Variants in PLD1 observed in about 807,000 individuals in gnomAD.
PLD1 encodes the protein choline phosphatase 1.
PLD1 carries 112 observed loss-of-function variants against 137.1 expected under a neutral mutation model. The observed-to-expected ratio is 0.82, with a 90% CI of 0.70 to 0.96. The LOEUF (loss-of-function observed/expected upper bound fraction) is 0.96, where lower values mean the gene tolerates loss of function less well. Ranked by LOEUF, PLD1 falls within the 40% of genes least tolerant of loss-of-function variation. The probability of loss-of-function intolerance (pLI) is 0.00; values close to 1 mark genes in which losing one functional copy is unlikely to be tolerated. For missense variants in PLD1, 1,321 were observed against 1,342.0 expected, an observed-to-expected ratio of 0.98 and a Z score of 0.24; for synonymous variants, 431 against 454.7, an observed-to-expected ratio of 0.95 and a Z score of 0.66.
Position 171,713,939 on chromosome 3 carries a change from T to C in PLD1, c.865A>G (p.Lys289Glu). 6.2e-7 allele frequency: 1 copy of C among 1,613,224 alleles called. No homozygotes were observed. Among genetic ancestry groups the C allele is most frequent in the South Asian group, 1.1e-5 (1 of 91,054 alleles). ...ATTCCATATTTCGTTTCTGTCTCCT[T>C]CTTCCCCACCTTAATTTTGAATTCT... Reference protein sequence around the residue: ...DKEFKIKVGKKETETKYGIRI... With the variant: ...DKEFKIKVGKEETETKYGIRI... Residue 289 changes from lysine (K) to glutamate (E), a missense_variant, in exon 9 of 27, where the codon AAG (lysine) becomes GAG (glutamate). Lys to Glu is a moderately conservative substitution (Grantham distance 56). Coordinates refer to ENST00000351298, the MANE Select transcript of PLD1 (RefSeq NM_002662.5).
intron 21 of PLD1, among the ~76,000 whole-genome samples, chr3:171,650,419 G>A (rs975861786): frequency 1.3e-5 from 2 of 152,168 alleles, no homozygotes; most frequent in African/African-American, 4.8e-5. Flanking sequence ...GAAGGCTGAC[G>A]TCCCCAAGCT....
intron 1 of PLD1, among the ~76,000 whole-genome samples, chr3:171,759,894 C>T (rs532620368): frequency 6.6e-6 from 1 of 152,336 alleles, no homozygotes; most frequent in South Asian, 2.1e-4. Context: ...ACAGAACAGT[C>T]TTACTGTCCT....
chr3:171,776,649 C>G (rs967676415), intron 1 of PLD1, among the ~76,000 whole-genome samples: 2 of 152,194 alleles, frequency 1.3e-5, no homozygotes, highest in Non-Finnish European at 2.9e-5. Context: ...GCGGTAATGA[C>G]AACGGCACCT....
intron 7 of PLD1, among the ~76,000 whole-genome samples, chr3:171,725,223 C>T (rs1051210576): frequency 6.6e-6 from 1 of 151,966 alleles, no homozygotes; most frequent in African/African-American, 2.4e-5. Context: ...GTTGAGTGTT[C>T]CCTCCTCAAC....
Position 171,735,612 on chromosome 3 carries a change from A to G in PLD1, c.314T>C (p.Ile105Thr). The G allele has an allele frequency of 6.5e-7, 1 of 1,541,552 alleles. No homozygotes were observed. Among genetic ancestry groups the G allele is most frequent in the East Asian group, 2.2e-5 (1 of 44,512 alleles). Reference sequence around the variant, plus strand: ...TTTAAATTCCCCATGTGTTAATTCAATAGTGTAAAGATTAATACTTGGTAC... The same window carrying G: ...TTTAAATTCCCCATGTGTTAATTCAGTAGTGTAAAGATTAATACTTGGTAC... ...TRVPSINLYT[I>T]ELTHGEFKWQ... is the part of the protein sequence containing the mutation. Residue 105 changes from isoleucine (I) to threonine (T), a missense_variant, in exon 4 of 27, where the codon ATT becomes ACT. By Grantham distance (89) the Ile-to-Thr change is moderately conservative. Transcript: ENST00000351298.
rs376694754 is a variant in PLD1 at position 171,639,629 on chromosome 3, C to A, written c.2593+3211G>T. 6.5e-4 allele frequency among the ~76,000 whole-genome samples: 45 copies of A among 69,626 alleles called. 2 individuals are homozygous for A. The highest frequency in any genetic ancestry group is 4.3e-3 in the East Asian group (11 of 2,580). 45.7% of individuals were successfully genotyped at this position (69,626 alleles called of 152,430 possible). A position where few individuals can be genotyped will look rare whatever the true frequency, so the allele number is the denominator to read the frequency against. ...ATATATATTATATATAATATATATT[C>A]TATATAATATATATTATATATAATA... On this transcript the variant is annotated intron_variant, in intron 23 of 26. Transcript: ENST00000351298.
At chr3:171,650,670 C>A (rs193260849) in intron 21 of PLD1, among the ~76,000 whole-genome samples, 1 of 152,114 alleles carries the variant, frequency 6.6e-6, no homozygotes, top group African/African-American at 2.4e-5. Context: ...TGTGGAAATG[C>A]GCTTGAGCTA....
At chr3:171,734,524 T>C (rs1719200002) in intron 5 of PLD1, among the ~76,000 whole-genome samples, 1 of 152,178 alleles carries the variant, frequency 6.6e-6, no homozygotes, top group African/African-American at 2.4e-5. Context: ...CGGAAACTTA[T>C]GTATGGAAAA....
chr3:171,609,274 T>A (rs751138999), intron 25 of PLD1, among the ~76,000 whole-genome samples: 51 of 152,146 alleles, frequency 3.4e-4, no homozygotes, highest in Non-Finnish European at 1.2e-4. Context: ...AGGGAATGCA[T>A]ATACACTGTT....
chr3:171,607,984 G>A (rs185990429), intron 25 of PLD1, among the ~76,000 whole-genome samples: 1 of 152,222 alleles, frequency 6.6e-6, no homozygotes, highest in Non-Finnish European at 1.5e-5. Flanking sequence ...TGTAGTCTAG[G>A]CCACAATATT....
At chr3:171,683,997 CTCTA>C (rs1387761678) in intron 16 of PLD1, among the ~76,000 whole-genome samples, 1 of 152,192 alleles carries the variant, frequency 6.6e-6, no homozygotes, top group Non-Finnish European at 1.5e-5. Flanking sequence ...TGTTCTCTCT[CTCTA>C]TCTCTCTCTC....
At position 171,620,433 on chromosome 3, in the gene PLD1, T is replaced by G. The variant is rs191205035; in HGVS notation, c.2681A>C (p.Tyr894Ser). The change falls in exon 24 of 27, where the codon TAT (tyrosine) becomes TCT (serine). Residue 894 changes from tyrosine (Y) to serine (S), a missense_variant. Transcript: ENST00000351298. Reference protein sequence around the residue: ...LEGNLVTELIYVHSKLLIADD... With the variant: ...LEGNLVTELISVHSKLLIADD... Reference sequence around the variant, plus strand: ...AGCAATTAACAACTTGCTGTGGACATAGATAAGCTCAGTTACTAGGTTTCC... The same window carrying G: ...AGCAATTAACAACTTGCTGTGGACAGAGATAAGCTCAGTTACTAGGTTTCC... 2.8e-4 allele frequency: 447 copies of G among 1,599,944 alleles called. No individual in the cohort carries two copies. The highest frequency in any genetic ancestry group is 1.0e-3 in the Admixed American group (60 of 59,882).
At position 171,743,145 on chromosome 3, in the gene PLD1, CTTGGG is replaced by C. The variant is rs374534254; in HGVS notation, c.-31-5068_-31-5064del. On this transcript the variant is annotated intron_variant, in intron 1 of 26. Transcript: ENST00000351298. ...GAAATGTTCCACTCATGCTTCCTCC[CTTGGG>C]AAGCTGTGAGGAGCAAATGTGATCA... is the stretch of plus-strand genomic sequence containing the variant. 3.3e-5 allele frequency among the ~76,000 whole-genome samples: 5 copies of C among 152,318 alleles called. No individual in the cohort carries two copies. In the South Asian group the frequency reaches 1.0e-3, roughly 32 times the overall value.
At chr3:171,626,018 T>C (rs1374345269) in intron 23 of PLD1, among the ~76,000 whole-genome samples, 4 of 151,722 alleles carry the variant, frequency 2.6e-5, no homozygotes, top group African/African-American at 9.7e-5. Context: ...CTTTGACGAG[T>C]TGAGAGAAGA....
At chr3:171,748,442 C>T (rs561710375) in intron 1 of PLD1, among the ~76,000 whole-genome samples, 44 of 152,252 alleles carry the variant, frequency 2.9e-4, no homozygotes, top group African/African-American at 9.6e-4. Context: ...CTTTCACTTC[C>T]CTTCAAAGCA....
chr3:171,641,112 A>G (rs1010119124), intron 23 of PLD1, among the ~76,000 whole-genome samples: 2 of 152,272 alleles, frequency 1.3e-5, no homozygotes, highest in Non-Finnish European at 2.9e-5. Context: ...GCTCCCTCCA[A>G]TGGCTGCTAG....
In PLD1 at chr3:171,714,012, A is replaced by G. The variant is rs1388339772; in HGVS notation, c.792T>C (p.Tyr264=). ...CAATGGCACCGCTGTCTGGTTTCAT[A>G]TACAATAAAAAGGAATCTTTCACTA... is the stretch of plus-strand genomic sequence containing the variant. ...WLIVKDSFLL[Y]MKPDSGAIAF... The change falls in exon 9 of 27, where the codon TAT becomes TAC. Residue 264 remains tyrosine (Y), a synonymous_variant. Coordinates refer to ENST00000351298, the MANE Select transcript of PLD1 (RefSeq NM_002662.5). The G allele has an allele frequency of 2.5e-6, 4 of 1,608,628 alleles. No individual in the cohort carries two copies. Among genetic ancestry groups the G allele is most frequent in the Non-Finnish European group, 3.4e-6 (4 of 1,175,142 alleles).
chr3:171,678,571 G>A (rs1713625316), intron 16 of PLD1, among the ~76,000 whole-genome samples: 1 of 152,200 alleles, frequency 6.6e-6, no homozygotes, highest in Admixed American at 6.5e-5. Context: ...TTAACAAATA[G>A]ACACTGAATG....
intron 21 of PLD1, among the ~76,000 whole-genome samples, chr3:171,655,680 G>A (rs1388950302): frequency 1.3e-5 from 2 of 152,034 alleles, no homozygotes; most frequent in South Asian, 4.1e-4. Flanking sequence ...CCTAACACAA[G>A]CTCACAGAAC....
Sources: gnomAD v4.1 joint callset for allele counts (sites outside exome capture counted in the v4.1 genomes callset) on GRCh38, gnomAD v4.1.1 for gene constraint, MANE v1.5 for transcripts, NCBI Gene and HGNC (gene_info 2026-07-23, HGNC 2026-07-21) for gene names.